GNA11: variants seen among roughly 807,000 people sequenced by gnomAD.
The protein encoded by GNA11 is guanine nucleotide-binding protein subunit alpha-11.
GNA11 carries 8 observed loss-of-function variants against 38.2 expected under a neutral mutation model. The ratio of observed to expected loss-of-function variants is 0.21; its 90% CI spans 0.12 to 0.38. The LOEUF (loss-of-function observed/expected upper bound fraction) is 0.38. GNA11 is among the 10% of genes least tolerant of loss of function. The pLI is 1.00. For missense variants in GNA11, 268 were observed against 516.3 expected (o/e 0.52, Z 4.66); for synonymous variants, 211 against 221.4 (o/e 0.95, Z 0.42).
At chr19:3,095,130 C>T (rs1178511294) in intron 1 of GNA11, among the ~76,000 whole-genome samples, 3 of 151,956 alleles carry the variant, frequency 2.0e-5, no homozygotes, top group African/African-American at 7.3e-5. Flanking sequence ...AGCTGCGGGC[C>T]CCTGATTTCT....
rs776745993 is a variant in GNA11 at position 3,113,502 on chromosome 19, G to A, written c.476+18G>A. On this transcript the variant is annotated intron_variant, in intron 3 of 6. Coordinates refer to ENST00000078429, the MANE Select transcript of GNA11 (RefSeq NM_002067.5). ...GCCAAGTAGTAAGTGCGGCCGCACC[G>A]CTGGCGGCCTGGGGACGGCAGCTGC... 7 of 1,543,580 alleles carry A rather than the reference G, an allele frequency of 4.5e-6. No homozygotes were observed. Among genetic ancestry groups the A allele is most frequent in the East Asian group, 4.6e-5 (2 of 43,018 alleles).
At chr19:3,111,311 C>T (rs1156573883) in intron 2 of GNA11, among the ~76,000 whole-genome samples, 7 of 152,180 alleles carry the variant, frequency 4.6e-5, no homozygotes, top group Non-Finnish European at 7.3e-5. Context: ...CCTTCCCCAT[C>T]GGCCGTCACT....
chr19:3,109,741 C>T (rs138588660), intron 1 of GNA11, among the ~76,000 whole-genome samples: 1 of 152,226 alleles, frequency 6.6e-6, no homozygotes, highest in Non-Finnish European at 1.5e-5. Flanking sequence ...GCCGCCACGT[C>T]TGTGTGCTGT....
At chr19:3,107,649 T>C (rs1599300689) in intron 1 of GNA11, among the ~76,000 whole-genome samples, 1 of 152,150 alleles carries the variant, frequency 6.6e-6, no homozygotes, top group Admixed American at 6.5e-5. Context: ...TAGAGTCTCA[T>C]CTGGGGGCAG....
At chr19:3,096,269 G>A (rs898386573) in intron 1 of GNA11, among the ~76,000 whole-genome samples, 7 of 102,486 alleles carry the variant, frequency 6.8e-5, no homozygotes, top group African/African-American at 2.3e-4. Context: ...TTCTAAAATG[G>A]GCCATCTTTC....
chr19:3,120,888 G>A lies in GNA11; in HGVS notation c.890-101G>A, dbSNP rs550054855. ...GGCTGGGGGTCGAGCTGGGTGGGCCGTGGGCCTTACTCGCTCATCCCCTGG... is the reference window on the plus strand; with the variant it reads ...GGCTGGGGGTCGAGCTGGGTGGGCCATGGGCCTTACTCGCTCATCCCCTGG... On this transcript the variant is annotated intron_variant, in intron 6 of 6. Transcript: ENST00000078429. The surrounding 1 kb of genome is among the most constrained non-coding windows in gnomAD (Gnocchi z 5.9). 7.3e-6 allele frequency: 6 copies of A among 819,014 alleles called. No homozygotes were observed. The highest frequency in any genetic ancestry group is 3.2e-4 in the Middle Eastern group (1 of 3,106). The allele number at this position is 819,014 out of a possible 1,614,324, so 50.7% of individuals were successfully genotyped here. A position where few individuals can be genotyped will look rare whatever the true frequency, so the allele number is the denominator to read the frequency against.
chr19:3,105,004 C>T (rs1445253398), intron 1 of GNA11, among the ~76,000 whole-genome samples: 6 of 151,918 alleles, frequency 3.9e-5, no homozygotes, highest in Admixed American at 2.0e-4. Context: ...GGAGGCTGAG[C>T]TCACCAGCTC....
chr19:3,110,361 A>G lies in GNA11; in HGVS notation c.321+28A>G, dbSNP rs764110617. 4 of 1,578,314 alleles carry G rather than the reference A, an allele frequency of 2.5e-6. No individual in the cohort carries two copies. The South Asian group carries it at 3.4e-5, about 13-fold the overall frequency. On this transcript the variant is annotated intron_variant, in intron 2 of 6. Coordinates refer to ENST00000078429, the MANE Select transcript of GNA11 (RefSeq NM_002067.5). The surrounding 1 kb of genome is among the most constrained non-coding windows in gnomAD (Gnocchi z 5.4). ...GAGCCCGCGGGCGCCTGGGGAGGGG[A>G]GCGCCTGGGCAGCTGTGGGCTTGGT...
intron 1 of GNA11, among the ~76,000 whole-genome samples, chr19:3,105,549 C>T (rs909172463): frequency 7.9e-5 from 12 of 152,128 alleles, no homozygotes; most frequent in Admixed American, 2.6e-4. Flanking sequence ...ACCATCAGTG[C>T]CCTCATGAAA....
At position 3,110,553 on chromosome 19, in the gene GNA11, C is replaced by T. The variant is rs1390650972; in HGVS notation, c.321+220C>T. Reference sequence around the variant, plus strand: ...GTGATGGGCATTGCGTGGCCAAGCCCCACAGCCTCCCTCCCAAGTAGCTGT... The same window carrying T: ...GTGATGGGCATTGCGTGGCCAAGCCTCACAGCCTCCCTCCCAAGTAGCTGT... On this transcript the variant is annotated intron_variant, in intron 2 of 6. Transcript: ENST00000078429. This position sits in a 1 kb window ranked among gnomAD's most constrained non-coding sequence, Gnocchi z 5.4. Among the ~76,000 whole-genome samples, 3 of 152,190 alleles carry T rather than the reference C, an allele frequency of 2.0e-5. No homozygotes were observed. Among genetic ancestry groups the T allele is most frequent in the African/African-American group, 7.2e-5 (3 of 41,458 alleles).
At position 3,122,946 on chromosome 19, in the gene GNA11, C is replaced by G; in HGVS notation, c.*1767C>G. 6.7e-6 allele frequency: 1 copy of G among 148,564 alleles called. No individual in the cohort carries two copies. The highest frequency in any genetic ancestry group is 1.3e-5 in the Non-Finnish European group (1 of 74,522). 9.2% of individuals were successfully genotyped at this position (148,564 alleles called of 1,614,324 possible). A position where few individuals can be genotyped will look rare whatever the true frequency, so the allele number is the denominator to read the frequency against. On this transcript the variant is annotated 3_prime_UTR_variant, in exon 7 of 7. Transcript: ENST00000078429. The surrounding 1 kb of genome is among the most constrained non-coding windows in gnomAD (Gnocchi z 7.7). ...TGGGGAGACGGGGCTGGCGGGATAC[C>G]CCCCCCCCGGCTTCCCCACACCACT...
intron 2 of GNA11, among the ~76,000 whole-genome samples, chr19:3,112,791 C>T (rs1044919454): frequency 7.2e-5 from 11 of 152,338 alleles, no homozygotes; most frequent in South Asian, 4.1e-4. Context: ...AAGCATTTTT[C>T]GGACGAAAGA....
chr19:3,120,512 G>A lies in GNA11; in HGVS notation c.890-477G>A, dbSNP rs898254480. Among the ~76,000 whole-genome samples, 2 of 152,056 alleles carry A rather than the reference G, an allele frequency of 1.3e-5. No individual in the cohort carries two copies. Among genetic ancestry groups the A allele is most frequent in the East Asian group, 1.9e-4 (1 of 5,168 alleles). Reference sequence around the variant, plus strand: ...GCAGGGGTGGCCGGTGGGAAGCAGCGCCCCTGCTGGAGCCCCTGGATGTCT... The same window carrying A: ...GCAGGGGTGGCCGGTGGGAAGCAGCACCCCTGCTGGAGCCCCTGGATGTCT... On this transcript the variant is annotated intron_variant, in intron 6 of 6. Coordinates refer to ENST00000078429, the MANE Select transcript of GNA11 (RefSeq NM_002067.5). The surrounding 1 kb of genome is among the most constrained non-coding windows in gnomAD (Gnocchi z 5.9).
At chr19:3,107,323 G>A (rs1206940062) in intron 1 of GNA11, among the ~76,000 whole-genome samples, 3 of 152,314 alleles carry the variant, frequency 2.0e-5, no homozygotes, top group East Asian at 1.9e-4. Context: ...CTTCTCGGCC[G>A]TCTTGGTCTT....
chr19:3,123,568 CCTT>C lies in GNA11; in HGVS notation c.*2392_*2394del, dbSNP rs1466938760. 4 of 233,098 alleles carry C rather than the reference CCTT, an allele frequency of 1.7e-5. No homozygotes were observed. The highest frequency in any genetic ancestry group is 3.4e-5 in the Non-Finnish European group (4 of 118,016). The allele number at this position is 233,098 out of a possible 1,614,324, so 14.4% of individuals were successfully genotyped here. On this transcript the variant is annotated 3_prime_UTR_variant, in exon 7 of 7. Coordinates refer to ENST00000078429, the MANE Select transcript of GNA11 (RefSeq NM_002067.5). ...AACGATTTCTCGTGAGTGCCGACCA[CCTT>C]CTCCGACCATGTTACGCCCGGGCGG...
Position 3,110,152 on chromosome 19 carries a change from C to T in GNA11, c.140C>T (p.Thr47Met), listed in dbSNP as rs762714189. 1 of 1,604,524 alleles carries T rather than the reference C, an allele frequency of 6.2e-7. No homozygotes were observed. Among genetic ancestry groups the T allele is most frequent in the Non-Finnish European group, 8.5e-7 (1 of 1,175,786 alleles). ...RRELKLLLLG[T>M]GESGKSTFIK... ...CCTCACGTGCCCCGTCCCCCAGGCA[C>T]GGGCGAGAGCGGGAAGAGCACGTTC... Residue 47 changes from threonine to methionine, a missense_variant, in exon 2 of 7, where the codon ACG becomes ATG. Thr to Met is a moderately conservative substitution (Grantham distance 81). Around this residue, in one of 3 missense-constraint regions of GNA11, gnomAD observed 151 missense variants for 254.0 expected, o/e 0.59. Transcript: ENST00000078429. The surrounding 1 kb of genome is among the most constrained non-coding windows in gnomAD (Gnocchi z 5.4).
At position 3,094,799 on chromosome 19, in the gene GNA11, C is replaced by T. The variant is rs553531427; in HGVS notation, c.136+12C>T. On this transcript the variant is annotated intron_variant, in intron 1 of 6. Coordinates refer to ENST00000078429, the MANE Select transcript of GNA11 (RefSeq NM_002067.5). This position sits in a 1 kb window ranked among gnomAD's most constrained non-coding sequence, Gnocchi z 6.0. ...GCTGCTGCTGCTCGGTGAGTGCGGCCCCCGGGCCTGCCGGCTGCGGGCCCT... is the reference window on the plus strand; with the variant it reads ...GCTGCTGCTGCTCGGTGAGTGCGGCTCCCGGGCCTGCCGGCTGCGGGCCCT... 6 of 1,552,668 alleles carry T rather than the reference C, an allele frequency of 3.9e-6. No homozygotes were observed. In the Admixed American group the frequency reaches 9.2e-5, roughly 24 times the overall value.
chr19:3,123,013 T>C lies in GNA11; in HGVS notation c.*1834T>C. The C allele has an allele frequency of 4.3e-6, 1 of 233,240 alleles. No homozygotes were observed. Among genetic ancestry groups the C allele is most frequent in the Non-Finnish European group, 8.5e-6 (1 of 118,042 alleles). The allele number at this position is 233,240 out of a possible 1,614,324, so 14.4% of individuals were successfully genotyped here. A position where few individuals can be genotyped will look rare whatever the true frequency, so the allele number is the denominator to read the frequency against. On this transcript the variant is annotated 3_prime_UTR_variant, in exon 7 of 7. Coordinates refer to ENST00000078429, the MANE Select transcript of GNA11 (RefSeq NM_002067.5). ...GCGTCCTTTTTTTGTGCCAGGTGTC[T>C]ACCTAAGAGGGTTGGTGCCAGAAGC...
chr19:3,101,991 G>C (rs1000062817), intron 1 of GNA11, among the ~76,000 whole-genome samples: 1 of 152,156 alleles, frequency 6.6e-6, no homozygotes, highest in African/African-American at 2.4e-5. Flanking sequence ...AGCTACCTGG[G>C]TGGCTAAGGT....
Sources: allele counts gnomAD v4.1 joint callset (sites outside exome capture counted in the v4.1 genomes callset), GRCh38; gene constraint gnomAD v4.1.1; regional missense constraint gnomAD v4.1.1; non-coding constraint Gnocchi (gnomAD v3.1); transcripts MANE v1.5; gene names NCBI Gene and HGNC (gene_info 2026-07-23, HGNC 2026-07-21).